Variants in PCDHGA2 observed in about 807,000 individuals in gnomAD.
The protein encoded by PCDHGA2 is protocadherin gamma-A2.
A neutral mutation model predicts 59.2 loss-of-function variants in PCDHGA2; 40 were observed. The ratio of observed to expected loss-of-function variants is 0.68; its 90% CI spans 0.52 to 0.88. The LOEUF (loss-of-function observed/expected upper bound fraction) is 0.88. Ranked by LOEUF, PCDHGA2 falls within the 40% of genes least tolerant of loss-of-function variation. The probability of loss-of-function intolerance (pLI) is 0.00; values close to 1 mark genes in which losing one functional copy is unlikely to be tolerated. For missense variants in PCDHGA2, 1,226 were observed against 1,204.0 expected (o/e 1.02, Z -0.27); for synonymous variants, 560 against 526.0 (o/e 1.06, Z -0.89).
At chr5:141,360,116 G>C (rs1286160130) in intron 1 of PCDHGA2, 1 of 1,570,542 alleles carries the variant, frequency 6.4e-7, no homozygotes, top group Non-Finnish European at 8.6e-7. Flanking sequence ...TATGGGCAAA[G>C]GAGCAAAGGG....
rs550977374 is a variant in PCDHGA2, at chr5:141,447,118, G to A, written c.2425-47689G>A. 9.2e-5 allele frequency among the ~76,000 whole-genome samples: 14 copies of A among 151,984 alleles called. No individual in the cohort carries two copies. The East Asian group carries it at 2.7e-3, about 29-fold the overall frequency. ...TTCACATGATTATATGTGCTCCATGGATTTTTTTGTTTGTTTGTTTTTTGT... is the reference window on the plus strand; with the variant it reads ...TTCACATGATTATATGTGCTCCATGAATTTTTTTGTTTGTTTGTTTTTTGT... On this transcript the variant is annotated intron_variant, in intron 1 of 3. Transcript: ENST00000394576.
chr5:141,504,461 C>T (rs1485490028), intron 2 of PCDHGA2, among the ~76,000 whole-genome samples: 1 of 151,900 alleles, frequency 6.6e-6, no homozygotes, highest in Non-Finnish European at 1.5e-5. Flanking sequence ...GTGGGGCAGC[C>T]GCTGGGATGG....
intron 1 of PCDHGA2, chr5:141,419,170 C>G: frequency 6.2e-7 from 1 of 1,613,966 alleles, no homozygotes; most frequent in South Asian, 1.1e-5. Flanking sequence ...CCAGCAAAAC[C>G]ATAACCCTGC....
chr5:141,415,461 T>C, intron 1 of PCDHGA2: 5 of 1,614,180 alleles, frequency 3.1e-6, no homozygotes, highest in Non-Finnish European at 4.2e-6. Context: ...ACGAGGTCTC[T>C]CTCACCGCGG....
chr5:141,393,527 T>C, intron 1 of PCDHGA2: 2 of 1,613,990 alleles, frequency 1.2e-6, no homozygotes, highest in South Asian at 1.1e-5. Context: ...CAAATGACAA[T>C]GCCCCGGTTT....
chr5:141,366,033 C>G (rs1310722008), intron 1 of PCDHGA2: 2 of 1,614,254 alleles, frequency 1.2e-6, no homozygotes, highest in South Asian at 2.2e-5. Context: ...CCCGCCCTCC[C>G]CACAGACGGT....
At chr5:141,354,991 AG>A (rs1759687682) in intron 1 of PCDHGA2, 1 of 634,544 alleles carries the variant, frequency 1.6e-6, no homozygotes, top group Non-Finnish European at 2.4e-6. Flanking sequence ...TTCACCAATC[AG>A]GGGGAAAAGA....
chr5:141,395,107 A>G (rs2093174446), intron 1 of PCDHGA2: 1 of 1,614,212 alleles, frequency 6.2e-7, no homozygotes, highest in African/African-American at 1.3e-5. Context: ...GACTCGCGGA[A>G]GAGTCACCTG....
intron 1 of PCDHGA2, among the ~76,000 whole-genome samples, chr5:141,370,096 C>T (rs1385394099): frequency 6.6e-6 from 1 of 152,154 alleles, no homozygotes; most frequent in Non-Finnish European, 1.5e-5. Context: ...CAGTACACTG[C>T]CGATTTTTCT....
At chr5:141,386,725 TA>T (rs1200567298) in intron 1 of PCDHGA2, among the ~76,000 whole-genome samples, 3 of 152,182 alleles carry the variant, frequency 2.0e-5, no homozygotes, top group African/African-American at 7.2e-5. Context: ...CCAACAATGT[TA>T]CTGAGGGAAG....
rs2099705703 is a variant in PCDHGA2, at chr5:141,490,886, C to A, written c.2425-3921C>A. On this transcript the variant is annotated intron_variant, in intron 1 of 3. Transcript: ENST00000394576. This position sits in a 1 kb window ranked among gnomAD's most constrained non-coding sequence, Gnocchi z 5.4. The stretch of plus-strand genomic sequence containing the variant: ...TCTCCCCCATTGCATGCCAACACAT[C>A]TCTGCATGTGTTTGTCCTAGACGAG... The A allele has an allele frequency of 6.2e-7, 1 of 1,613,406 alleles. No homozygotes were observed. Among genetic ancestry groups the A allele is most frequent in the East Asian group, 2.2e-5 (1 of 44,878 alleles).
intron 1 of PCDHGA2, chr5:141,362,547 T>C (rs1392126264): frequency 6.2e-7 from 1 of 1,613,406 alleles, no homozygotes; most frequent in Non-Finnish European, 8.5e-7. Context: ...CCTCAGATAC[T>C]ATTTTGAAGG....
At chr5:141,454,316 A>G (rs887472165) in intron 1 of PCDHGA2, among the ~76,000 whole-genome samples, 4 of 152,188 alleles carry the variant, frequency 2.6e-5, no homozygotes, top group Non-Finnish European at 4.4e-5. Context: ...AAGCATTGAA[A>G]CCTCCAAGAA....
chr5:141,373,545 G>A (rs1396644712), intron 1 of PCDHGA2, among the ~76,000 whole-genome samples: 1 of 152,122 alleles, frequency 6.6e-6, no homozygotes, highest in African/African-American at 2.4e-5. Context: ...TGTGGTTGTT[G>A]GTACCCTTAC....
Position 141,485,331 on chromosome 5 carries a change from T to C in PCDHGA2, c.2425-9476T>C, listed in dbSNP as rs1203054851. On this transcript the variant is annotated intron_variant, in intron 1 of 3. Transcript: ENST00000394576. This position sits in a 1 kb window ranked among gnomAD's most constrained non-coding sequence, Gnocchi z 5.7. Reference sequence around the variant, plus strand: ...GTAGGGAATGTCGCTCAAGATTTCCTGCTGGATACGGACAGTCTGTCAGCT... The same window carrying C: ...GTAGGGAATGTCGCTCAAGATTTCCCGCTGGATACGGACAGTCTGTCAGCT... 6.2e-7 allele frequency: 1 copy of C among 1,614,048 alleles called. No individual in the cohort carries two copies. Among genetic ancestry groups the C allele is most frequent in the African/African-American group, 1.3e-5 (1 of 74,902 alleles).
Position 141,346,504 on chromosome 5 carries a change from T to C in PCDHGA2, c.2424+5109T>C, listed in dbSNP as rs747030276. ...ATTATTAAGAACAAATATGAGAATG[T>C]GGTTATTATAAAGCTTTAACACATA... On this transcript the variant is annotated intron_variant, in intron 1 of 3. Coordinates refer to ENST00000394576, the MANE Select transcript of PCDHGA2 (RefSeq NM_018915.4). The C allele has an allele frequency of 3.1e-6, 5 of 1,610,034 alleles. No homozygotes were observed. In the Admixed American group the frequency reaches 8.4e-5, roughly 27 times the overall value.
At chr5:141,398,396 T>A (rs1191920974) in intron 1 of PCDHGA2, 1 of 1,465,660 alleles carries the variant, frequency 6.8e-7, no homozygotes, top group South Asian at 1.2e-5. Flanking sequence ...AGCAGCAGGC[T>A]AGACAGGGAG....
Position 141,431,485 on chromosome 5 carries a change from T to G in PCDHGA2, c.2425-63322T>G. 2 of 1,613,924 alleles carry G rather than the reference T, an allele frequency of 1.2e-6. No individual in the cohort carries two copies. Among genetic ancestry groups the G allele is most frequent in the Non-Finnish European group, 1.7e-6 (2 of 1,179,990 alleles). ...ATGCGAACGACAACGCACCAGCGTTTGCTCAGCCCGAGTACCGCGCGAGCG... is the reference window on the plus strand; with the variant it reads ...ATGCGAACGACAACGCACCAGCGTTGGCTCAGCCCGAGTACCGCGCGAGCG... On this transcript the variant is annotated intron_variant, in intron 1 of 3. Coordinates refer to ENST00000394576, the MANE Select transcript of PCDHGA2 (RefSeq NM_018915.4). This position sits in a 1 kb window ranked among gnomAD's most constrained non-coding sequence, Gnocchi z 4.8.
chr5:141,419,769 CGGT>C, intron 1 of PCDHGA2: 1 of 1,614,006 alleles, frequency 6.2e-7, no homozygotes, highest in Non-Finnish European at 8.5e-7. Context: ...GACAAGGACT[CGGT>C]CCGCCAGCGC....
Sources: allele counts gnomAD v4.1 joint callset (sites outside exome capture counted in the v4.1 genomes callset), GRCh38; gene constraint gnomAD v4.1.1; non-coding constraint Gnocchi (gnomAD v3.1); transcripts MANE v1.5; gene names NCBI Gene and HGNC (gene_info 2026-07-23, HGNC 2026-07-21).